PTPN6: variants seen among roughly 807,000 people sequenced by gnomAD.
PTPN6 encodes the protein protein tyrosine phosphatase non-receptor type 6.
PTPN6 carries 18 observed loss-of-function variants against 81.5 expected under a neutral mutation model. That is an observed-to-expected ratio of 0.22 (90% confidence interval 0.15 to 0.33). The LOEUF (loss-of-function observed/expected upper bound fraction) is 0.33. PTPN6 is among the 10% of genes least tolerant of loss of function. The pLI, the probability that PTPN6 is intolerant of heterozygous loss-of-function variation, is 1.00. For missense variants in PTPN6, 500 were observed against 794.2 expected, an observed-to-expected ratio of 0.63 and a Z score of 4.45; for synonymous variants, 301 against 310.9, an observed-to-expected ratio of 0.97 and a Z score of 0.33.
At chr12:6,946,881 C>G (rs1945829699), upstream of PTPN6, 1 of 921,910 alleles carries the variant, frequency 1.1e-6, no homozygotes, top group African/African-American at 1.7e-5. Context: ...CTATGAACTT[C>G]CCCTTCCCGC....
At chr12:6,948,408 C>G (rs1249149337), upstream of PTPN6, among the ~76,000 whole-genome samples, 1 of 138,490 alleles carries the variant, frequency 7.2e-6, no homozygotes. Flanking sequence ...GCACTTCAGC[C>G]TGGGTGATAA....
Position 6,951,389 on chromosome 12 carries a change from G to A in PTPN6, c.-124G>A. 1 of 1,547,534 alleles carries A rather than the reference G, an allele frequency of 6.5e-7. No individual in the cohort carries two copies. Among genetic ancestry groups the A allele is most frequent in the East Asian group, 2.4e-5 (1 of 40,916 alleles). On this transcript the variant is annotated 5_prime_UTR_variant, in exon 1 of 16. Transcript: ENST00000318974. This position sits in a 1 kb window ranked among gnomAD's most constrained non-coding sequence, Gnocchi z 7.2. ...GGCAGCCCCAGAACTGGGACCACCG[G>A]GGGTGGTGAGGCGGCCCGGCACTGG...
chr12:6,957,793 G>GC lies in PTPN6; in HGVS notation c.1206+13dup, dbSNP rs782625200. 2.9e-5 allele frequency: 46 copies of GC among 1,613,978 alleles called. No individual in the cohort carries two copies. The highest frequency in any genetic ancestry group is 2.5e-6 in the Non-Finnish European group (3 of 1,180,040). ...GTCTCCCCGCTGGACAATGTGAGTGGCCCCCACGCCCTGCCCCATTCCGGG... is the reference window on the plus strand; with the variant it reads ...GTCTCCCCGCTGGACAATGTGAGTGGCCCCCCACGCCCTGCCCCATTCCGGG... On this transcript the variant is annotated intron_variant, in intron 10 of 15. Coordinates refer to ENST00000318974, the MANE Select transcript of PTPN6 (RefSeq NM_002831.6). This position sits in a 1 kb window ranked among gnomAD's most constrained non-coding sequence, Gnocchi z 6.5.
At position 6,956,596 on chromosome 12, in the gene PTPN6, G is replaced by T. The variant is rs782659171; in HGVS notation, c.1074+28G>T. 1.2e-6 allele frequency: 2 copies of T among 1,612,178 alleles called. No homozygotes were observed. Among genetic ancestry groups the T allele is most frequent in the Non-Finnish European group, 1.7e-6 (2 of 1,179,714 alleles). On this transcript the variant is annotated intron_variant, in intron 9 of 15. Coordinates refer to ENST00000318974, the MANE Select transcript of PTPN6 (RefSeq NM_002831.6). The surrounding 1 kb of genome is among the most constrained non-coding windows in gnomAD (Gnocchi z 4.1). The stretch of plus-strand genomic sequence containing the variant: ...AGGGCGCCCCCCCTTCCCCGCATCC[G>T]CCCCCGTGCTTGTGGTCATGCCATT...
At chr12:6,953,841 G>C (rs1555148139) in intron 3 of PTPN6, among the ~76,000 whole-genome samples, 1 of 152,072 alleles carries the variant, frequency 6.6e-6, no homozygotes, top group East Asian at 1.9e-4. Flanking sequence ...GTCACCTCCG[G>C]GCAGGGGTGA....
In PTPN6 at chr12:6,960,052, A is replaced by G; in HGVS notation, c.1430-36A>G. The G allele has an allele frequency of 6.2e-7, 1 of 1,613,114 alleles. No homozygotes were observed. The highest frequency in any genetic ancestry group is 8.5e-7 in the Non-Finnish European group (1 of 1,179,938). The stretch of plus-strand genomic sequence containing the variant: ...GTGAGCAGCCCCTCGGTGTCCGCCT[A>G]TGCCTGGACCTGAGGTTTGACTGCC... On this transcript the variant is annotated intron_variant, in intron 12 of 15. Coordinates refer to ENST00000318974, the MANE Select transcript of PTPN6 (RefSeq NM_002831.6). The surrounding 1 kb of genome is among the most constrained non-coding windows in gnomAD (Gnocchi z 6.1).
Position 6,955,094 on chromosome 12 carries a change from G to T in PTPN6, c.517-57G>T. On this transcript the variant is annotated intron_variant, in intron 4 of 15. Coordinates refer to ENST00000318974, the MANE Select transcript of PTPN6 (RefSeq NM_002831.6). This position sits in a 1 kb window ranked among gnomAD's most constrained non-coding sequence, Gnocchi z 7.2. ...TCTGCCTGGGCTTGAATTCAAGGCT[G>T]GGGACCCAGGGAGGGAGACTCAAGT... The T allele has an allele frequency of 6.2e-7, 1 of 1,608,606 alleles. No individual in the cohort carries two copies. Among genetic ancestry groups the T allele is most frequent in the Non-Finnish European group, 8.5e-7 (1 of 1,175,064 alleles).
At chr12:6,946,697 T>C (rs2301262), upstream of PTPN6, 1,174,927 of 1,603,402 alleles carry the variant, frequency 0.73, 432,238 homozygotes, top group Admixed American at 0.85. Flanking sequence ...TGCGGCCCTC[T>C]GCCGTGGCTT....
Position 6,954,854 on chromosome 12 carries a change from G to C in PTPN6, c.376G>C (p.Ala126Pro). 6.2e-7 allele frequency: 1 copy of C among 1,614,184 alleles called. No individual in the cohort carries two copies. The highest frequency in any genetic ancestry group is 1.1e-5 in the South Asian group (1 of 91,086). ...CGGGCAGGCAGAGACGCTGCTGCAG[G>C]CCAAGGGCGAGCCCTGGACGTTTCT... The part of the protein sequence containing the change: ...SGGQAETLLQ[A>P]KGEPWTFLVR... The change falls in exon 4 of 16, where the codon GCC becomes CCC. Residue 126 changes from alanine to proline, a missense_variant. Physicochemically the swap from Ala to Pro is conservative, Grantham distance 27. This residue lies in a region of PTPN6 where 98 missense variants were observed against 199.2 expected (regional missense o/e 0.49). Transcript: ENST00000318974. The surrounding 1 kb of genome is among the most constrained non-coding windows in gnomAD (Gnocchi z 5.4).
Position 6,951,828 on chromosome 12 carries a change from C to T in PTPN6, c.131+97C>T, listed in dbSNP as rs1761063138. 3 of 1,592,486 alleles carry T rather than the reference C, an allele frequency of 1.9e-6. No individual in the cohort carries two copies. The highest frequency in any genetic ancestry group is 2.6e-6 in the Non-Finnish European group (3 of 1,171,584). ...TCCTGGTTCCCCGTGGCAGTGCTGA[C>T]TCCCCGTCTGTTCCCTTGCCCCCAA... On this transcript the variant is annotated intron_variant, in intron 2 of 15. Transcript: ENST00000318974. This position sits in a 1 kb window ranked among gnomAD's most constrained non-coding sequence, Gnocchi z 7.2.
At chr12:6,958,894 A>G (rs1221124955) in intron 11 of PTPN6, among the ~76,000 whole-genome samples, 1 of 152,212 alleles carries the variant, frequency 6.6e-6, no homozygotes, top group East Asian at 1.9e-4. Flanking sequence ...TGAGAACTCA[A>G]TGAGACCCTA....
chr12:6,957,882 G>A lies in PTPN6; in HGVS notation c.1207-37G>A. The stretch of plus-strand genomic sequence containing the variant: ...GGGTGAGATGGATGAGGTGTTCCGA[G>A]AGAGGAGGGGGCACTGACCCTATGT... On this transcript the variant is annotated intron_variant, in intron 10 of 15. Coordinates refer to ENST00000318974, the MANE Select transcript of PTPN6 (RefSeq NM_002831.6). This position sits in a 1 kb window ranked among gnomAD's most constrained non-coding sequence, Gnocchi z 6.5. The A allele has an allele frequency of 6.2e-7, 1 of 1,614,026 alleles. No homozygotes were observed. Among genetic ancestry groups the A allele is most frequent in the Non-Finnish European group, 8.5e-7 (1 of 1,180,024 alleles).
upstream of PTPN6, among the ~76,000 whole-genome samples, chr12:6,949,464 G>A (rs1945889594): frequency 1.3e-5 from 2 of 152,286 alleles, no homozygotes; most frequent in South Asian, 2.1e-4. Flanking sequence ...ACCAGGCTCC[G>A]GCGTCTGACA....
At chr12:6,948,678 A>C (rs1306289938), upstream of PTPN6, among the ~76,000 whole-genome samples, 1 of 151,898 alleles carries the variant, frequency 6.6e-6, no homozygotes, top group Non-Finnish European at 1.5e-5. Context: ...TGGTGGCTCA[A>C]GCCTGTAATC....
chr12:6,957,629 T>TGGCCC lies in PTPN6; in HGVS notation c.1075-25_1075-24insGGCCC. ...CCACAGTGCCCTGCTCTGTGCCTCA[T>TGGCCC]CCCCACCCGACCCTCCCTTTCCAGA... On this transcript the variant is annotated intron_variant, in intron 9 of 15. Coordinates refer to ENST00000318974, the MANE Select transcript of PTPN6 (RefSeq NM_002831.6). The surrounding 1 kb of genome is among the most constrained non-coding windows in gnomAD (Gnocchi z 6.5). 2.5e-5 allele frequency: 38 copies of TGGCCC among 1,521,272 alleles called. No homozygotes were observed. Among genetic ancestry groups the TGGCCC allele is most frequent in the Non-Finnish European group, 3.1e-5 (34 of 1,105,466 alleles). 94.2% of individuals were successfully genotyped at this position (1,521,272 alleles called of 1,614,324 possible).
upstream of PTPN6, among the ~76,000 whole-genome samples, chr12:6,948,427 T>C (rs1555147152): frequency 7.8e-6 from 1 of 128,106 alleles, no homozygotes; most frequent in African/African-American, 3.0e-5. Context: ...AAAGCAAGAT[T>C]CTGTGTCAAA....
rs181711169 is a variant in PTPN6 at position 6,956,511 on chromosome 12, G to C, written c.1017G>C (p.Ala339=). 2.5e-6 allele frequency: 4 copies of C among 1,614,014 alleles called. No homozygotes were observed. In the South Asian group the frequency reaches 3.3e-5, roughly 13 times the overall value. The change falls in exon 9 of 16, where the codon GCG becomes GCC. Residue 339 remains alanine (A), a synonymous_variant. Transcript: ENST00000318974. This position sits in a 1 kb window ranked among gnomAD's most constrained non-coding sequence, Gnocchi z 4.1. ...CGGTCAATGACTTCTGGCAGATGGCGTGGCAGGAGAACAGCCGTGTCATCG... is the reference window on the plus strand; with the variant it reads ...CGGTCAATGACTTCTGGCAGATGGCCTGGCAGGAGAACAGCCGTGTCATCG... The part of the protein sequence containing the change: ...EATVNDFWQM[A]WQENSRVIVM...
chr12:6,954,990 G>A lies in PTPN6; in HGVS notation c.512G>A (p.Cys171Tyr), dbSNP rs1555148341. The A allele has an allele frequency of 6.2e-7, 1 of 1,614,128 alleles. No individual in the cohort carries two copies. Among genetic ancestry groups the A allele is most frequent in the Admixed American group, 1.7e-5 (1 of 60,034 alleles). Residue 171 changes from cysteine (C) to tyrosine (Y), a missense_variant, in exon 4 of 16, where the codon TGC (cysteine) becomes TAC (tyrosine). Cys to Tyr is a radical substitution (Grantham distance 194, BLOSUM62 -2). This residue lies in a region of PTPN6 where 96 missense variants were observed against 137.3 expected (regional missense o/e 0.70). Transcript: ENST00000318974. This position sits in a 1 kb window ranked among gnomAD's most constrained non-coding sequence, Gnocchi z 5.4. Reference protein sequence around the residue: ...PLRVTHIKVMCEGGRYTVGGL... With the variant: ...PLRVTHIKVMYEGGRYTVGGL... ...AGGGTCACCCACATCAAGGTCATGTGCGAGGTAAGGCAGCCAGGCGGCGGG... is the reference window on the plus strand; with the variant it reads ...AGGGTCACCCACATCAAGGTCATGTACGAGGTAAGGCAGCCAGGCGGCGGG...
chr12:6,947,097 C>G (rs782194089), upstream of PTPN6, among the ~76,000 whole-genome samples: 4 of 152,226 alleles, frequency 2.6e-5, no homozygotes, highest in Admixed American at 2.6e-4. Context: ...AAGGCCCTCC[C>G]ACGTCCAGCC....
Sources: gnomAD v4.1 joint callset for allele counts (sites outside exome capture counted in the v4.1 genomes callset) on GRCh38, gnomAD v4.1.1 for gene constraint, gnomAD v4.1.1 regional missense constraint, Gnocchi (gnomAD v3.1) non-coding constraint, MANE v1.5 for transcripts, NCBI Gene and HGNC (gene_info 2026-07-23, HGNC 2026-07-21) for gene names.